RAD51AP1: variants seen among roughly 807,000 people sequenced by gnomAD.
RAD51AP1 encodes RAD51 associated protein 1.
A neutral mutation model predicts 34.3 loss-of-function variants in RAD51AP1; 14 were observed. The ratio of observed to expected loss-of-function variants is 0.41; its 90% CI spans 0.27 to 0.64. The LOEUF (loss-of-function observed/expected upper bound fraction) is 0.64, where lower values mean the gene tolerates loss of function less well. Among genes scored for constraint, RAD51AP1 ranks in the 30% least tolerant of loss-of-function variants. RAD51AP1 has a pLI of 0.33. For synonymous variants in RAD51AP1, 114 were observed against 129.8 expected (o/e 0.88, Z 0.83); for missense variants, 348 against 386.9 (o/e 0.90, Z 0.84).
At chr12:4,544,806 CAAAT>C (rs1289661610) in intron 3 of RAD51AP1, among the ~76,000 whole-genome samples, 1 of 152,132 alleles carries the variant, frequency 6.6e-6, no homozygotes, top group East Asian at 1.9e-4. Flanking sequence ...AGAAGATAAA[CAAAT>C]AACCAATAAA....
chr12:4,558,437 C>A (rs1036056272), intron 8 of RAD51AP1, among the ~76,000 whole-genome samples: 1 of 152,008 alleles, frequency 6.6e-6, no homozygotes, highest in African/African-American at 2.4e-5. Context: ...AAATAAATAA[C>A]AATATTTGCC....
chr12:4,559,107 A>G lies in RAD51AP1; in HGVS notation c.*114A>G, dbSNP rs1479781372. On this transcript the variant is annotated 3_prime_UTR_variant, in exon 9 of 9. Transcript: ENST00000352618. ...TTGTAATATAAAGGAATCCATTACC[A>G]TGTCCTATAAATGACCTCTAGCCAT... is the stretch of plus-strand genomic sequence containing the variant. The G allele has an allele frequency of 3.8e-6, 5 of 1,316,904 alleles. No homozygotes were observed. The highest frequency in any genetic ancestry group is 4.7e-5 in the East Asian group (2 of 42,440). 81.6% of individuals were successfully genotyped at this position (1,316,904 alleles called of 1,614,324 possible).
At chr12:4,540,890 T>G (rs1565523061) in intron 1 of RAD51AP1, among the ~76,000 whole-genome samples, 1 of 152,170 alleles carries the variant, frequency 6.6e-6, no homozygotes, top group East Asian at 1.9e-4. Flanking sequence ...TGAGCTGAGC[T>G]TACTACCTCT....
rs796188151 is a variant in RAD51AP1, at chr12:4,552,929, A to C, written c.557-54A>C. ...TGAAAGCTGTGGATAAAGTTAAGGC[A>C]ACAGAATCCTCACTTTTTAGAGCAA... is the stretch of plus-strand genomic sequence containing the variant. On this transcript the variant is annotated intron_variant, in intron 6 of 8. Coordinates refer to ENST00000352618, the MANE Select transcript of RAD51AP1 (RefSeq NM_006479.5). 5 of 1,458,386 alleles carry C rather than the reference A, an allele frequency of 3.4e-6. No homozygotes were observed. The African/African-American group carries it at 7.2e-5, about 21-fold the overall frequency. The allele number at this position is 1,458,386 out of a possible 1,614,324, so 90.3% of individuals were successfully genotyped here.
chr12:4,543,476 G>A (rs553367282), intron 2 of RAD51AP1, among the ~76,000 whole-genome samples: 2 of 152,166 alleles, frequency 1.3e-5, no homozygotes, highest in Non-Finnish European at 2.9e-5. Flanking sequence ...TGGTTTTACA[G>A]GTTTTTAATC....
intron 4 of RAD51AP1, 79 bp downstream of exon 4, chr12:4,546,497 G>A: frequency 1.0e-6 from 1 of 961,550 alleles, no homozygotes; most frequent in Non-Finnish European, 1.6e-6. Flanking sequence ...GGCCTTCACA[G>A]AGGAAACAGG....
intron 2 of RAD51AP1, among the ~76,000 whole-genome samples, chr12:4,543,267 G>A (rs1371863240): frequency 6.6e-6 from 1 of 152,056 alleles, no homozygotes; most frequent in Non-Finnish European, 1.5e-5. Context: ...CACCACTTTG[G>A]CCAGGCTGGT....
At chr12:4,556,250 AT>A (rs1944581372) in intron 7 of RAD51AP1, 102 bp from the exon 8 acceptor site, 2 of 894,910 alleles carry the variant, frequency 2.2e-6, no homozygotes, top group Non-Finnish European at 3.5e-6. Context: ...TAATAAGTTT[AT>A]TTTTTATATG....
At chr12:4,540,534 A>G (rs1480213494) in intron 1 of RAD51AP1, among the ~76,000 whole-genome samples, 7 of 151,460 alleles carry the variant, frequency 4.6e-5, no homozygotes, top group Non-Finnish European at 4.4e-5. Context: ...TGCAATGTTT[A>G]CTGCCATACT....
At chr12:4,556,682 G>T in intron 8 of RAD51AP1, 180 bp downstream of exon 8, 2 of 659,334 alleles carry the variant, frequency 3.0e-6, no homozygotes, top group South Asian at 2.3e-5. Context: ...TGGACATCCA[G>T]GTTTATTATT....
chr12:4,554,211 G>A (rs557678189), intron 7 of RAD51AP1, among the ~76,000 whole-genome samples: 1 of 152,278 alleles, frequency 6.6e-6, no homozygotes, highest in African/African-American at 2.4e-5. Context: ...CTCCTTGAGG[G>A]TGCATTTCTT....
chr12:4,545,724 C>G, intron 3 of RAD51AP1: 1 of 1,593,272 alleles, frequency 6.3e-7, no homozygotes, highest in East Asian at 2.2e-5. Context: ...TATAGTCTGC[C>G]TTTTATAGGA....
At chr12:4,546,102 T>G (rs1288427664) in intron 3 of RAD51AP1, among the ~76,000 whole-genome samples, 1 of 152,184 alleles carries the variant, frequency 6.6e-6, no homozygotes, top group Non-Finnish European at 1.5e-5. Flanking sequence ...TCCTCCTATT[T>G]CAAACCTCTT....
In RAD51AP1 at chr12:4,548,779, C is replaced by T. The variant is rs1944525295; in HGVS notation, c.499C>T (p.Leu167Phe). 1 of 1,614,136 alleles carries T rather than the reference C, an allele frequency of 6.2e-7. No individual in the cohort carries two copies. Among genetic ancestry groups the T allele is most frequent in the Middle Eastern group, 1.7e-4 (1 of 6,060 alleles). Residue 167 changes from leucine (L) to phenylalanine (F), a missense_variant, in exon 6 of 9, where the codon CTT (leucine) becomes TTT (phenylalanine). Coordinates refer to ENST00000352618, the MANE Select transcript of RAD51AP1 (RefSeq NM_006479.5). ...AGCTGCAGCACAGCAGAGGAAGATT[C>T]TTCTGGAAGGCAGTGATGGTGATAG... ...SKAAAQQRKI[L>F]LEGSDGDSAN...
chr12:4,543,679 TA>T, intron 2 of RAD51AP1, 83 bp from the exon 3 acceptor site: 1 of 962,122 alleles, frequency 1.0e-6, no homozygotes, highest in South Asian at 2.4e-5. Flanking sequence ...GCCTAGCCTA[TA>T]AAAACTTGAA....
chr12:4,558,870 T>C lies in RAD51AP1; in HGVS notation c.885T>C (p.Gly295=). ...PKWVPPAASG[G]SRSSSSPLVV... The stretch of plus-strand genomic sequence containing the variant: ...GTTTCCTTTCAGCGGCATCTGGAGG[T>C]AGCAGAAGTAGCAGCAGCCCACTGG... The change falls in exon 9 of 9, where the codon GGT becomes GGC. Residue 295 remains glycine (G), a synonymous_variant. Transcript: ENST00000352618. 6.2e-7 allele frequency: 1 copy of C among 1,614,076 alleles called. No homozygotes were observed. Among genetic ancestry groups the C allele is most frequent in the Non-Finnish European group, 8.5e-7 (1 of 1,179,976 alleles).
intron 8 of RAD51AP1, among the ~76,000 whole-genome samples, chr12:4,557,554 A>AAAGAGTAATACTTAGT (rs1944591086): frequency 6.6e-6 from 1 of 152,226 alleles, no homozygotes; most frequent in Non-Finnish European, 1.5e-5. Flanking sequence ...CATATCATTC[A>AAAGAGTAATACTTAGT]AAGAGTAATA....
chr12:4,548,057 AT>A, intron 4 of RAD51AP1, 34 bp from the exon 5 acceptor site: 1 of 1,559,958 alleles, frequency 6.4e-7, no homozygotes, highest in Non-Finnish European at 8.6e-7. Context: ...TGATTAAGAT[AT>A]ATCTGAATTT....
intron 7 of RAD51AP1, among the ~76,000 whole-genome samples, chr12:4,554,937 C>T (rs1207090877): frequency 6.6e-6 from 1 of 152,152 alleles, no homozygotes; most frequent in Non-Finnish European, 1.5e-5. Flanking sequence ...TTGCAAGCCA[C>T]ATTTCAAGTG....
Sources: gnomAD v4.1 joint callset for allele counts (sites outside exome capture counted in the v4.1 genomes callset) on GRCh38, gnomAD v4.1.1 for gene constraint, MANE v1.5 for transcripts, NCBI Gene and HGNC (gene_info 2026-07-23, HGNC 2026-07-21) for gene names.